PPP2R2B: variants seen among roughly 807,000 people sequenced by gnomAD.
PPP2R2B encodes serine/threonine-protein phosphatase 2A 55 kDa regulatory subunit B beta isoform.
PPP2R2B carries 5 observed loss-of-function variants against 46.0 expected under a neutral mutation model. The observed-to-expected ratio is 0.11, with a 90% confidence interval of 0.06 to 0.23. PPP2R2B has a LOEUF of 0.23. Ranked by LOEUF, PPP2R2B falls within the 10% of genes least tolerant of loss-of-function variation. PPP2R2B has a pLI of 1.00. For missense variants in PPP2R2B, 367 were observed against 575.0 expected (o/e 0.64, Z 3.70); for synonymous variants, 215 against 206.7 (o/e 1.04, Z -0.34).
intron 2 of PPP2R2B, among the ~76,000 whole-genome samples, chr5:146,788,559 C>T (rs1266616406): frequency 2.0e-5 from 3 of 152,120 alleles, no homozygotes; most frequent in East Asian, 1.9e-4. Flanking sequence ...GACGAAACCC[C>T]GTCGCTACTG....
At chr5:146,649,246 G>A (rs1775784270) in intron 6 of PPP2R2B, among the ~76,000 whole-genome samples, 1 of 152,118 alleles carries the variant, frequency 6.6e-6, no homozygotes, top group Non-Finnish European at 1.5e-5. Flanking sequence ...TTGATACCTA[G>A]GTCAATTGTT....
intron 8 of PPP2R2B, among the ~76,000 whole-genome samples, chr5:146,598,310 T>C (rs1771414547): frequency 6.6e-6 from 1 of 152,226 alleles, no homozygotes; most frequent in African/African-American, 2.4e-5. Context: ...TTTGGCTTCC[T>C]AGTCACTCCT....
At chr5:146,956,544 CAAACTTA>C (rs1465121587) in intron 1 of PPP2R2B, among the ~76,000 whole-genome samples, 2 of 152,302 alleles carry the variant, frequency 1.3e-5, no homozygotes, top group Admixed American at 6.5e-5. Flanking sequence ...AGAAACACTT[CAAACTTA>C]AGAGTACGCT....
chr5:146,716,610 G>C (rs916809828), intron 2 of PPP2R2B, among the ~76,000 whole-genome samples: 1 of 151,998 alleles, frequency 6.6e-6, no homozygotes, highest in Non-Finnish European at 1.5e-5. Flanking sequence ...TGAATCTCTG[G>C]ATCCCTAGTG....
At chr5:147,061,984 G>A (rs1757272506) in intron 2 of PPP2R2B, among the ~76,000 whole-genome samples, 1 of 151,780 alleles carries the variant, frequency 6.6e-6, no homozygotes, top group African/African-American at 2.4e-5. Context: ...TTTTGGTTCT[G>A]AGCCATGGAA....
At chr5:146,897,778 C>T (rs1284418626) in intron 1 of PPP2R2B, among the ~76,000 whole-genome samples, 2 of 150,878 alleles carry the variant, frequency 1.3e-5, no homozygotes, top group Non-Finnish European at 2.9e-5. Flanking sequence ...GAACCGGATG[C>T]TATACAAAGA....
chr5:146,978,154 G>GT (rs1202219052), intron 1 of PPP2R2B, among the ~76,000 whole-genome samples: 1 of 152,042 alleles, frequency 6.6e-6, no homozygotes, highest in Non-Finnish European at 1.5e-5. Context: ...TCATATGTTT[G>GT]TTGGCCACTT....
At chr5:147,069,783 C>CTGTTT (rs1757521288) in intron 2 of PPP2R2B, among the ~76,000 whole-genome samples, 1 of 48,436 alleles carries the variant, frequency 2.1e-5, no homozygotes, top group African/African-American at 8.9e-5. Context: ...ACATTTTATA[C>CTGTTT]TGTTTTTTTT....
At chr5:147,069,630 T>A (rs1757515753) in intron 2 of PPP2R2B, among the ~76,000 whole-genome samples, 1 of 152,118 alleles carries the variant, frequency 6.6e-6, no homozygotes, top group South Asian at 2.1e-4. Context: ...GTCTAAACAC[T>A]GTTCCCATGG....
At chr5:146,669,813 C>G (rs1186918538) in intron 5 of PPP2R2B, among the ~76,000 whole-genome samples, 1 of 152,184 alleles carries the variant, frequency 6.6e-6, no homozygotes, top group African/African-American at 2.4e-5. Context: ...TCCTCGGGAT[C>G]AGCAGAACTA....
In PPP2R2B at chr5:147,023,706, A is replaced by T. The variant is rs73793320; in HGVS notation, c.79+31959T>A. Among the ~76,000 whole-genome samples the T allele has an allele frequency of 4.2e-3, 636 of 152,266 alleles. 4 individuals are homozygous for T. The highest frequency in any genetic ancestry group is 0.015 in the African/African-American group (608 of 41,556). ...AAGGGATACACAGATAGCTGGTGAA[A>T]CATTATTTCTGAGTGTGTCTGCAAG... On this transcript the variant is annotated intron_variant, in intron 1 of 8. Coordinates refer to the PPP2R2B transcript ENST00000336640.
intron 2 of PPP2R2B, among the ~76,000 whole-genome samples, chr5:146,840,802 C>T (rs1022016699): frequency 6.6e-6 from 1 of 152,166 alleles, no homozygotes; most frequent in Non-Finnish European, 1.5e-5. Flanking sequence ...ACTGCTCATT[C>T]TAAAACAATC....
At chr5:146,618,807 C>T (rs1020548977) in intron 7 of PPP2R2B, among the ~76,000 whole-genome samples, 1 of 152,212 alleles carries the variant, frequency 6.6e-6, no homozygotes, top group African/African-American at 2.4e-5. Flanking sequence ...TTCAGAGAAA[C>T]CAGAACCCAG....
At chr5:146,746,205 C>A (rs1260104341) in intron 2 of PPP2R2B, among the ~76,000 whole-genome samples, 2 of 152,144 alleles carry the variant, frequency 1.3e-5, no homozygotes, top group African/African-American at 2.4e-5. Context: ...TGTGCATAAT[C>A]CTCCTCACTT....
chr5:146,838,594 GA>G (rs1433192902), intron 2 of PPP2R2B, among the ~76,000 whole-genome samples: 3 of 149,908 alleles, frequency 2.0e-5, no homozygotes, highest in South Asian at 2.1e-4. Flanking sequence ...AGAAAAAAAA[GA>G]AGGAAGGGAG....
At chr5:146,597,313 G>T (rs1341262059) in intron 8 of PPP2R2B, among the ~76,000 whole-genome samples, 1 of 150,056 alleles carries the variant, frequency 6.7e-6, no homozygotes, top group African/African-American at 2.5e-5. Flanking sequence ...TATGAACCTT[G>T]TCATTGCTAT....
intron 2 of PPP2R2B, among the ~76,000 whole-genome samples, chr5:146,823,978 G>C (rs904220812): frequency 6.6e-6 from 1 of 152,112 alleles, no homozygotes; most frequent in Non-Finnish European, 1.5e-5. Flanking sequence ...TGGATCCCTG[G>C]TAGTAGATGT....
At chr5:146,673,404 G>T (rs1777496794) in intron 5 of PPP2R2B, among the ~76,000 whole-genome samples, 1 of 152,114 alleles carries the variant, frequency 6.6e-6, no homozygotes, top group Non-Finnish European at 1.5e-5. Flanking sequence ...TTCCCTTAGT[G>T]GTCAAGACAA....
At chr5:146,910,966 C>T (rs985787258) in intron 1 of PPP2R2B, among the ~76,000 whole-genome samples, 1 of 152,170 alleles carries the variant, frequency 6.6e-6, no homozygotes, top group East Asian at 1.9e-4. Flanking sequence ...TCTACATAGG[C>T]TGTTCCCAGT....
Sources: allele counts gnomAD v4.1 joint callset (sites outside exome capture counted in the v4.1 genomes callset), GRCh38; gene constraint gnomAD v4.1.1; transcripts MANE v1.5; gene names NCBI Gene and HGNC (gene_info 2026-07-23, HGNC 2026-07-21).